SPTAN1: variants seen among roughly 807,000 people sequenced by gnomAD.
SPTAN1 encodes the protein spectrin alpha chain, non-erythrocytic 1.
In SPTAN1, 61 loss-of-function variants were observed where a neutral mutation model predicts 331.3. The observed-to-expected ratio is 0.18, with a 90% CI of 0.15 to 0.23. The LOEUF (loss-of-function observed/expected upper bound fraction) is 0.23, where lower values mean the gene tolerates loss of function less well. Ranked by LOEUF, SPTAN1 falls within the 10% of genes least tolerant of loss-of-function variation. The pLI is 1.00. For synonymous variants in SPTAN1, 1,153 were observed against 1,173.9 expected (o/e 0.98, Z 0.36); for missense variants, 2,043 against 3,147.9 (o/e 0.65, Z 8.40).
Position 128,633,117 on chromosome 9 carries a change from G to T in SPTAN1, c.7309-92G>T, listed in dbSNP as rs558370339. 33 of 1,603,020 alleles carry T rather than the reference G, an allele frequency of 2.1e-5. No homozygotes were observed. The East Asian group carries it at 6.7e-4, about 33-fold the overall frequency. ...AGTCCCGGATCTGCTTGTAGAAGCA[G>T]CTCCGAGCCCCCAGCATCCTGAGAC... On this transcript the variant is annotated intron_variant, in intron 56 of 56. Transcript: ENST00000372739.
intron 1 of SPTAN1, among the ~76,000 whole-genome samples, chr9:128,561,662 CAAAAAAAAAAA>C (rs762156669): frequency 0.018 from 284 of 15,990 alleles, 16 homozygotes; most frequent in South Asian, 0.031. Flanking sequence ...GACTCCGTCT[CAAAAAAAAAAA>C]AAAAAAAAAA....
chr9:128,603,726 C>T, intron 28 of SPTAN1, 136 bp downstream of exon 28: 1 of 1,101,056 alleles, frequency 9.1e-7, no homozygotes, highest in Non-Finnish European at 1.4e-6. Context: ...CCAAGCATGT[C>T]CTAAGTAAAC....
rs74995813 is a variant in SPTAN1 at position 128,633,445 on chromosome 9, G to T, written c.*111G>T. On this transcript the variant is annotated 3_prime_UTR_variant, in exon 57 of 57. Coordinates refer to ENST00000372739, the MANE Select transcript of SPTAN1 (RefSeq NM_001130438.3). ...CTGTAACCTTAAGCCTGCTTAGCTT[G>T]GAATAAGACTTAGGAGAAAATGGTG... 4,583 of 1,562,400 alleles carry T rather than the reference G, an allele frequency of 2.9e-3. 128 individuals are homozygous for T. In the East Asian group the frequency reaches 0.051, roughly 18 times the overall value.
rs886063504 is a variant in SPTAN1, at chr9:128,598,480, G to A, written c.3495G>A (p.Glu1165=). The part of the protein sequence containing the change: ...EDLESEGLMA[E]EVQAVQQQEV... ...TGGAGTCTGAAGGTCTCATGGCAGA[G>A]GAGGTGCAGGCTGTGCAACAACAGG... is the stretch of plus-strand genomic sequence containing the variant. The change falls in exon 25 of 57, where the codon GAG becomes GAA. Residue 1165 remains glutamate, a synonymous_variant. Coordinates refer to ENST00000372739, the MANE Select transcript of SPTAN1 (RefSeq NM_001130438.3). The A allele has an allele frequency of 6.2e-7, 1 of 1,611,232 alleles. No homozygotes were observed. The highest frequency in any genetic ancestry group is 1.3e-5 in the African/African-American group (1 of 75,026).
chr9:128,589,362 C>A (rs145060403), intron 21 of SPTAN1, among the ~76,000 whole-genome samples: 4,617 of 147,834 alleles, frequency 0.031, 121 homozygotes, highest in Middle Eastern at 0.12. Context: ...GATTTCAGCT[C>A]ACTGCAAGCT....
intron 45 of SPTAN1, among the ~76,000 whole-genome samples, chr9:128,623,031 G>A (rs1858132945): frequency 6.6e-6 from 1 of 151,728 alleles, no homozygotes; most frequent in African/African-American, 2.4e-5. Context: ...GATTACAGGC[G>A]TGAGCTACTG....
chr9:128,630,027 T>TG (rs1859439287), intron 51 of SPTAN1: 2 of 528,974 alleles, frequency 3.8e-6, no homozygotes, highest in Non-Finnish European at 7.2e-6. Flanking sequence ...CCTGCACCCA[T>TG]GGGGGAATTT....
At chr9:128,559,735 A>ATT (rs796349434) in intron 1 of SPTAN1, among the ~76,000 whole-genome samples, 2 of 145,862 alleles carry the variant, frequency 1.4e-5, no homozygotes, top group East Asian at 2.0e-4. Context: ...AATAATTTTG[A>ATT]TTTTTTTTTT....
At chr9:128,566,155 C>T (rs1443033315) in intron 1 of SPTAN1, among the ~76,000 whole-genome samples, 2 of 152,220 alleles carry the variant, frequency 1.3e-5, no homozygotes, top group Non-Finnish European at 2.9e-5. Context: ...CTCCTGGGCT[C>T]AGGTGATCCT....
In SPTAN1 at chr9:128,588,928, C is replaced by T. The variant is rs1853052484; in HGVS notation, c.2991C>T (p.Leu997=). Residue 997 remains leucine (L), a synonymous_variant, in exon 21 of 57, where the codon CTC becomes CTT. Coordinates refer to ENST00000372739, the MANE Select transcript of SPTAN1 (RefSeq NM_001130438.3). Reference sequence around the variant, plus strand: ...AGAAGGGAGATATCCTTACCTTACTCAACAGCACCAACAAGGCAAGGCACA... The same window carrying T: ...AGAAGGGAGATATCCTTACCTTACTTAACAGCACCAACAAGGCAAGGCACA... ...TMKKGDILTL[L]NSTNKDWWKV... is the part of the protein sequence containing the mutation. 6.2e-7 allele frequency: 1 copy of T among 1,614,042 alleles called. No individual in the cohort carries two copies.
intron 23 of SPTAN1, 159 bp from the exon 24 acceptor site, chr9:128,594,016 C>A: frequency 1.5e-5 from 11 of 731,108 alleles, no homozygotes; most frequent in Non-Finnish European, 2.4e-5. Context: ...TACTTGGGAT[C>A]CTCGTCTTCA....
chr9:128,603,473 C>G (rs532133375), intron 27 of SPTAN1, 70 bp from the exon 28 acceptor site: 1 of 1,562,300 alleles, frequency 6.4e-7, no homozygotes, highest in Admixed American at 1.7e-5. Flanking sequence ...TAATCAATGA[C>G]ACTTGCAGCT....
chr9:128,618,178 G>A, intron 43 of SPTAN1, 70 bp downstream of exon 43: 1 of 1,604,184 alleles, frequency 6.2e-7, no homozygotes, highest in Non-Finnish European at 8.5e-7. Flanking sequence ...ACTCTGAGCT[G>A]TGGGGGTCCA....
At chr9:128,580,584 G>GAC (rs1410999524) in intron 10 of SPTAN1, among the ~76,000 whole-genome samples, 1 of 152,062 alleles carries the variant, frequency 6.6e-6, no homozygotes, top group Non-Finnish European at 1.5e-5. Context: ...TCTTAGTGGA[G>GAC]AGTCCCTACT....
Position 128,593,064 on chromosome 9 carries a change from C to G in SPTAN1, c.3215+22C>G, listed in dbSNP as rs200580276. 1.3e-4 allele frequency: 212 copies of G among 1,603,304 alleles called. 1 individual carries two copies. Among genetic ancestry groups the G allele is most frequent in the Non-Finnish European group, 1.7e-4 (197 of 1,174,366 alleles). On this transcript the variant is annotated intron_variant, in intron 23 of 56. Transcript: ENST00000372739. ...AACTGTGAGTAGGCTGAGAGTCTTG[C>G]AGAGCACCAATGTCCACTGCTACCC... is the stretch of plus-strand genomic sequence containing the variant.
At chr9:128,603,891 C>T (rs1291380534) in intron 28 of SPTAN1, among the ~76,000 whole-genome samples, 4 of 152,248 alleles carry the variant, frequency 2.6e-5, no homozygotes, top group African/African-American at 4.8e-5. Context: ...GCTTCCTTGC[C>T]GCCTGCAGTG....
At position 128,587,684 on chromosome 9, in the gene SPTAN1, G is replaced by T. The variant is rs796053300; in HGVS notation, c.2857G>T (p.Ala953Ser). 3 of 1,614,036 alleles carry T rather than the reference G, an allele frequency of 1.9e-6. No individual in the cohort carries two copies. Among genetic ancestry groups the T allele is most frequent in the Non-Finnish European group, 1.7e-6 (2 of 1,179,948 alleles). ...GSSIQALREQAQSCRQQVAPT... is the reference protein window; with the variant it reads ...GSSIQALREQSQSCRQQVAPT... ...CAGCATCCAGGCTTTGCGAGAACAA[G>T]CACAGTCCTGCCGGGTAAACTTGTA... Residue 953 changes from alanine to serine, a missense_variant, in exon 20 of 57, where the codon GCA becomes TCA. Ala to Ser is a moderately conservative substitution (Grantham distance 99, BLOSUM62 1). This residue lies in a region of SPTAN1 where 1,038 missense variants were observed against 1,531.5 expected (regional missense o/e 0.68). Coordinates refer to ENST00000372739, the MANE Select transcript of SPTAN1 (RefSeq NM_001130438.3).
chr9:128,603,081 C>T (rs746335136), intron 27 of SPTAN1, among the ~76,000 whole-genome samples: 14 of 152,004 alleles, frequency 9.2e-5, no homozygotes, highest in Admixed American at 2.0e-4. Flanking sequence ...AACGGGGATA[C>T]GGTTAAAAAG....
At chr9:128,581,556 A>G (rs1469011446) in intron 11 of SPTAN1, among the ~76,000 whole-genome samples, 1 of 152,178 alleles carries the variant, frequency 6.6e-6, no homozygotes. Flanking sequence ...AAAACTATGT[A>G]AGAGAAGTTT....
Sources: gnomAD v4.1 joint callset for allele counts (sites outside exome capture counted in the v4.1 genomes callset) on GRCh38, gnomAD v4.1.1 for gene constraint, gnomAD v4.1.1 regional missense constraint, MANE v1.5 for transcripts, NCBI Gene and HGNC (gene_info 2026-07-23, HGNC 2026-07-21) for gene names.